Variants in RUNX1T1 observed in about 807,000 individuals in gnomAD.
The protein encoded by RUNX1T1 is RUNX1 partner transcriptional co-repressor 1, also known as protein CBFA2T1.
A neutral mutation model predicts 62.8 loss-of-function variants in RUNX1T1; 4 were observed. That is an observed-to-expected ratio of 0.06 (90% CI 0.03 to 0.15). RUNX1T1 has a LOEUF of 0.15. Among genes scored for constraint, RUNX1T1 ranks in the 10% least tolerant of loss-of-function variants. RUNX1T1 has a pLI of 1.00. For synonymous variants in RUNX1T1, 291 were observed against 286.0 expected (o/e 1.02, Z -0.18); for missense variants, 508 against 754.3 (o/e 0.67, Z 3.82).
At chr8:92,099,019 A>T (rs1432638322) in intron 1 of RUNX1T1, among the ~76,000 whole-genome samples, 1 of 152,216 alleles carries the variant, frequency 6.6e-6, no homozygotes, top group Non-Finnish European at 1.5e-5. Context: ...TCTAGATAAT[A>T]ATAAATAGCT....
chr8:92,048,452 G>A (rs1318571101), intron 1 of RUNX1T1, among the ~76,000 whole-genome samples: 1 of 152,106 alleles, frequency 6.6e-6, no homozygotes, highest in East Asian at 1.9e-4. Flanking sequence ...CCCAAGGCAG[G>A]AGGACTGCTT....
exon 11 of RUNX1T1, chr8:91,959,552 G>A (rs961472129): frequency 1.1e-5 from 2 of 189,158 alleles, no homozygotes; most frequent in African/African-American, 5.0e-5. Context: ...TTTTCTTGCT[G>A]CTGTATTCAT....
At chr8:91,980,360 A>G (rs969406891) in intron 8 of RUNX1T1, among the ~76,000 whole-genome samples, 1 of 152,198 alleles carries the variant, frequency 6.6e-6, no homozygotes, top group Admixed American at 6.5e-5. Flanking sequence ...TACACAGAAT[A>G]ACTTGTTTGT....
intron 1 of RUNX1T1, among the ~76,000 whole-genome samples, chr8:92,037,708 C>T (rs974874202): frequency 4.6e-5 from 7 of 151,938 alleles, no homozygotes; most frequent in Admixed American, 2.6e-4. Flanking sequence ...TAAAAAAAAT[C>T]CTCTGCTTTA....
At chr8:92,046,952 G>A (rs1587293279) in intron 1 of RUNX1T1, among the ~76,000 whole-genome samples, 1 of 152,158 alleles carries the variant, frequency 6.6e-6, no homozygotes, top group South Asian at 2.1e-4. Context: ...GGCCCAGTGA[G>A]GTCTTCAGAA....
upstream of RUNX1T1, among the ~76,000 whole-genome samples, chr8:92,102,562 G>A (rs750966250): frequency 1.3e-5 from 2 of 152,128 alleles, no homozygotes; most frequent in Non-Finnish European, 2.9e-5. The surrounding 1 kb of genome is among the most constrained non-coding windows in gnomAD (Gnocchi z 4.5). Context: ...CGCATACCGT[G>A]ACTATGGAGA....
At chr8:91,961,614 A>C (rs998356481) in intron 10 of RUNX1T1, among the ~76,000 whole-genome samples, 1 of 152,326 alleles carries the variant, frequency 6.6e-6, no homozygotes, top group African/African-American at 2.4e-5. Flanking sequence ...ACAGGCCCTA[A>C]GCAGGCAAGG....
At chr8:92,036,625 G>A (rs1827464492) in intron 1 of RUNX1T1, among the ~76,000 whole-genome samples, 1 of 152,206 alleles carries the variant, frequency 6.6e-6, no homozygotes, top group African/African-American at 2.4e-5. Context: ...GGATGCCTCC[G>A]GAAGGTTTCT....
intron 10 of RUNX1T1, 112 bp downstream of exon 11, chr8:91,970,546 G>A: frequency 3.0e-6 from 3 of 993,984 alleles, no homozygotes; most frequent in Non-Finnish European, 4.2e-6. Flanking sequence ...TCCCCACACT[G>A]TTCTAAATTT....
intron 5 of RUNX1T1, among the ~76,000 whole-genome samples, chr8:92,002,324 C>T (rs1450073479): frequency 6.6e-6 from 1 of 151,950 alleles, no homozygotes; most frequent in East Asian, 1.9e-4. Context: ...TTTCACTGTT[C>T]CATACAGGAA....
intron 1 of RUNX1T1, among the ~76,000 whole-genome samples, chr8:92,056,110 TG>T (rs1257516287): frequency 2.6e-5 from 4 of 152,190 alleles, no homozygotes; most frequent in African/African-American, 9.6e-5. Flanking sequence ...CCTAATAACC[TG>T]AGAATCATTA....
intron 1 of RUNX1T1, among the ~76,000 whole-genome samples, chr8:92,053,120 A>C (rs1399307798): frequency 1.3e-5 from 2 of 152,134 alleles, no homozygotes; most frequent in Non-Finnish European, 2.9e-5. Flanking sequence ...AGAGAGCAGC[A>C]ATTAAAATCA....
At chr8:92,050,058 G>A (rs1476230247) in intron 1 of RUNX1T1, among the ~76,000 whole-genome samples, 1 of 151,922 alleles carries the variant, frequency 6.6e-6, no homozygotes, top group Non-Finnish European at 1.5e-5. Context: ...AGGCAGTTTG[G>A]CTTCTTCAAT....
chr8:92,048,302 A>T (rs952402333), intron 1 of RUNX1T1, among the ~76,000 whole-genome samples: 3 of 152,152 alleles, frequency 2.0e-5, no homozygotes, highest in Middle Eastern at 3.2e-3. Context: ...TCAAGGAAAA[A>T]GTGTGTCAGA....
chr8:92,075,948 AT>A lies in RUNX1T1; in HGVS notation c.88+16del. On this transcript the variant is annotated intron_variant, in intron 2 of 11. Transcript: ENST00000265814. ...CGTAAGTAAATTGCAAAATCAAAAT[AT>A]TTGTCTGTTCCTTACCTTGACAATA... 1.3e-6 allele frequency: 2 copies of A among 1,590,266 alleles called. No homozygotes were observed. Among genetic ancestry groups the A allele is most frequent in the Non-Finnish European group, 8.5e-7 (1 of 1,172,410 alleles).
intron 5 of RUNX1T1, among the ~76,000 whole-genome samples, chr8:91,994,205 C>CCT (rs1818243676): frequency 6.6e-6 from 1 of 152,200 alleles, no homozygotes; most frequent in African/African-American, 2.4e-5. Flanking sequence ...AACATACTGA[C>CCT]TCCTTACATA....
At chr8:92,074,008 T>C (rs1354949314) in intron 2 of RUNX1T1, among the ~76,000 whole-genome samples, 1 of 152,156 alleles carries the variant, frequency 6.6e-6, no homozygotes, top group East Asian at 1.9e-4. Context: ...TAGAAGTAAA[T>C]TTTTAATGCC....
At chr8:92,000,723 C>T (rs1372936454) in intron 5 of RUNX1T1, among the ~76,000 whole-genome samples, 8 of 152,166 alleles carry the variant, frequency 5.3e-5, no homozygotes, top group Admixed American at 2.6e-4. Context: ...TCAGCATTTT[C>T]TAACTGACTC....
upstream of RUNX1T1, among the ~76,000 whole-genome samples, chr8:92,064,165 C>G (rs531999324): frequency 1.3e-5 from 2 of 152,168 alleles, no homozygotes; most frequent in Non-Finnish European, 2.9e-5. Context: ...CCCACACACA[C>G]TCTCCGCACA....
Sources: allele counts gnomAD v4.1 joint callset (sites outside exome capture counted in the v4.1 genomes callset), GRCh38; gene constraint gnomAD v4.1.1; non-coding constraint Gnocchi (gnomAD v3.1); transcripts MANE v1.5; gene names NCBI Gene and HGNC (gene_info 2026-07-23, HGNC 2026-07-21).